YWHAE: variants seen among roughly 807,000 people sequenced by gnomAD.
YWHAE encodes 14-3-3 protein epsilon.
YWHAE carries 4 observed loss-of-function variants against 30.1 expected under a neutral mutation model. The ratio of observed to expected loss-of-function variants is 0.13; its 90% CI spans 0.07 to 0.30. YWHAE has a LOEUF of 0.30. Ranked by LOEUF, YWHAE falls within the 10% of genes least tolerant of loss-of-function variation. The pLI is 1.00. For missense variants in YWHAE, 121 were observed against 315.9 expected, an observed-to-expected ratio of 0.38 and a Z score of 4.68; for synonymous variants, 118 against 111.8, an observed-to-expected ratio of 1.06 and a Z score of -0.35.
At chr17:1,379,726 A>G (rs1458135840) in intron 1 of YWHAE, among the ~76,000 whole-genome samples, 1 of 152,184 alleles carries the variant, frequency 6.6e-6, no homozygotes, top group African/African-American at 2.4e-5. Context: ...GCGTGTTACG[A>G]TGAGTTATGA....
intron 4 of YWHAE, among the ~76,000 whole-genome samples, chr17:1,355,811 C>G (rs1467802023): frequency 1.3e-5 from 2 of 151,946 alleles, no homozygotes; most frequent in African/African-American, 2.4e-5. Flanking sequence ...GATGCGTGCG[C>G]GCAGATCACT....
intron 1 of YWHAE, among the ~76,000 whole-genome samples, chr17:1,365,961 T>C (rs1202098116): frequency 7.7e-6 from 1 of 129,590 alleles, no homozygotes; most frequent in Non-Finnish European, 1.6e-5. Flanking sequence ...CTCATGCCTG[T>C]AAATCCCAGC....
At chr17:1,368,184 C>T (rs1425630451) in intron 1 of YWHAE, among the ~76,000 whole-genome samples, 1 of 151,982 alleles carries the variant, frequency 6.6e-6, no homozygotes. Context: ...GTCGGGAGAT[C>T]GAGACCAGCC....
At chr17:1,354,593 C>T (rs1218862563) in intron 4 of YWHAE, among the ~76,000 whole-genome samples, 1 of 152,218 alleles carries the variant, frequency 6.6e-6, no homozygotes, top group African/African-American at 2.4e-5. Flanking sequence ...CATAGAACAA[C>T]TTCCATCCTA....
At position 1,370,392 on chromosome 17, in the gene YWHAE, A is replaced by G. The variant is rs574351866; in HGVS notation, c.65-5334T>C. On this transcript the variant is annotated intron_variant, in intron 1 of 5. Coordinates refer to ENST00000264335, the MANE Select transcript of YWHAE (RefSeq NM_006761.5). ...GTGATCCGCCCGCCTTGGCCTCCCA[A>G]AGTGCTGGGATTACAGGCGTGAGCC... is the stretch of plus-strand genomic sequence containing the variant. Among the ~76,000 whole-genome samples, 6 of 151,730 alleles carry G rather than the reference A, an allele frequency of 4.0e-5. No individual in the cohort carries two copies. The East Asian group carries it at 1.2e-3, about 30-fold the overall frequency.
intron 4 of YWHAE, among the ~76,000 whole-genome samples, chr17:1,360,470 A>G (rs2072847099): frequency 6.6e-6 from 1 of 152,118 alleles, no homozygotes; most frequent in Non-Finnish European, 1.5e-5. Context: ...GCCCATAGAA[A>G]CAGAACACTG....
At chr17:1,383,260 GAATT>G in intron 1 of YWHAE, among the ~76,000 whole-genome samples, 1 of 152,044 alleles carries the variant, frequency 6.6e-6, no homozygotes, top group South Asian at 2.1e-4. Context: ...TGAGGCAGGA[GAATT>G]GCTTGATCCT....
chr17:1,379,392 G>T (rs959179709), intron 1 of YWHAE, among the ~76,000 whole-genome samples: 6 of 152,124 alleles, frequency 3.9e-5, no homozygotes, highest in African/African-American at 1.4e-4. Context: ...GGCTGAGGTG[G>T]GTGGATCAAC....
At chr17:1,399,571 C>A (rs1469138949) in intron 1 of YWHAE, 2 of 191,466 alleles carry the variant, frequency 1.0e-5, no homozygotes, top group Admixed American at 1.1e-4. Flanking sequence ...ACCGCCCCCA[C>A]CCGCCATATT....
chr17:1,376,358 AAGACAGAC>A (rs67056665), intron 1 of YWHAE, among the ~76,000 whole-genome samples: 75 of 151,602 alleles, frequency 4.9e-4, no homozygotes, highest in African/African-American at 1.3e-3. Context: ...AAAGACAAGA[AAGACAGAC>A]AGACAGACAG....
At chr17:1,399,565 C>T in intron 1 of YWHAE, 1 of 190,976 alleles carries the variant, frequency 5.2e-6, no homozygotes, top group Non-Finnish European at 1.1e-5. Flanking sequence ...AAAGCCACCG[C>T]CCCCACCCGC....
In YWHAE at chr17:1,356,778, G is replaced by T. The variant is rs186392143; in HGVS notation, c.579-2431C>A. ...GTTCGAGACCAGCCTGACCAAGATG[G>T]TGAAAACCTGTCTCTACTAAAAATG... On this transcript the variant is annotated intron_variant, in intron 4 of 5. Transcript: ENST00000264335. Among the ~76,000 whole-genome samples, 972 of 149,130 alleles carry T rather than the reference G, an allele frequency of 6.5e-3. 13 individuals carry two copies. Among genetic ancestry groups the T allele is most frequent in the African/African-American group, 0.016 (632 of 39,974 alleles).
intron 1 of YWHAE, among the ~76,000 whole-genome samples, chr17:1,373,571 G>A (rs2073076323): frequency 6.6e-6 from 1 of 151,954 alleles, no homozygotes; most frequent in African/African-American, 2.4e-5. Flanking sequence ...GGGAGGCTGA[G>A]GCAGGAGAAT....
intron 1 of YWHAE, among the ~76,000 whole-genome samples, chr17:1,379,434 G>A (rs899270698): frequency 3.9e-5 from 6 of 151,992 alleles, no homozygotes; most frequent in African/African-American, 1.5e-4. Flanking sequence ...GCAATGAGCT[G>A]TGATCACGCC....
In YWHAE at chr17:1,400,130, G is replaced by A. The variant is rs751262691; in HGVS notation, c.-20C>T. The A allele has an allele frequency of 2.5e-6, 4 of 1,613,978 alleles. No homozygotes were observed. Among genetic ancestry groups the A allele is most frequent in the Admixed American group, 1.7e-5 (1 of 60,020 alleles). Reference sequence around the variant, plus strand: ...ATCCATAGCGGCAGCGGCTCCGGCAGGGTCTGCGCGACGGATGGAAGCGGA... The same window carrying A: ...ATCCATAGCGGCAGCGGCTCCGGCAAGGTCTGCGCGACGGATGGAAGCGGA... On this transcript the variant is annotated 5_prime_UTR_variant, in exon 1 of 6. Transcript: ENST00000264335.
intron 4 of YWHAE, among the ~76,000 whole-genome samples, chr17:1,356,014 A>C (rs570423937): frequency 2.0e-4 from 31 of 152,252 alleles, no homozygotes; most frequent in African/African-American, 7.5e-4. Context: ...TAAAAATACA[A>C]AAAAATTAGC....
intron 1 of YWHAE, among the ~76,000 whole-genome samples, chr17:1,377,134 G>A (rs2073138206): frequency 6.6e-6 from 1 of 151,964 alleles, no homozygotes; most frequent in African/African-American, 2.4e-5. Flanking sequence ...GACTGGTTTC[G>A]AACTCCTGAC....
chr17:1,365,513 T>TG (rs2072928562), intron 1 of YWHAE, among the ~76,000 whole-genome samples: 1 of 152,190 alleles, frequency 6.6e-6, no homozygotes, highest in Non-Finnish European at 1.5e-5. Context: ...ACGGAGTATA[T>TG]GGTTGGCCAC....
chr17:1,386,959 GAA>G (rs11357704), intron 1 of YWHAE, among the ~76,000 whole-genome samples: 162 of 142,066 alleles, frequency 1.1e-3, no homozygotes, highest in Middle Eastern at 3.6e-3. Context: ...GTCTCAAAAG[GAA>G]AAAAAAAAAA....
Sources: allele counts gnomAD v4.1 joint callset (sites outside exome capture counted in the v4.1 genomes callset), GRCh38; gene constraint gnomAD v4.1.1; transcripts MANE v1.5; gene names NCBI Gene and HGNC (gene_info 2026-07-23, HGNC 2026-07-21).